KCNJ6: variants seen among roughly 807,000 people sequenced by gnomAD.
The protein encoded by KCNJ6 is potassium inwardly rectifying channel subfamily J member 6.
A neutral mutation model predicts 34.2 loss-of-function variants in KCNJ6; 9 were observed. The observed-to-expected ratio is 0.26, with a 90% CI of 0.16 to 0.46. KCNJ6 has a LOEUF of 0.46. Among genes scored for constraint, KCNJ6 ranks in the 20% least tolerant of loss-of-function variants. KCNJ6 has a pLI of 1.00. For synonymous variants in KCNJ6, 196 were observed against 207.1 expected (o/e 0.95, Z 0.46); for missense variants, 236 against 531.3 (o/e 0.44, Z 5.46).
At chr21:37,912,848 C>T (rs185411646) in intron 1 of KCNJ6, among the ~76,000 whole-genome samples, 4 of 152,324 alleles carry the variant, frequency 2.6e-5, no homozygotes, top group Admixed American at 2.6e-4. Flanking sequence ...AACAACATGT[C>T]ACACTTGGAA....
At chr21:37,643,567 G>A (rs564285542) in intron 3 of KCNJ6, among the ~76,000 whole-genome samples, 82 of 152,282 alleles carry the variant, frequency 5.4e-4, no homozygotes, top group South Asian at 1.5e-3. Flanking sequence ...CACGGGAGTC[G>A]GACCAATGTG....
chr21:37,827,626 G>C (rs1030321004), intron 2 of KCNJ6, among the ~76,000 whole-genome samples: 1 of 151,976 alleles, frequency 6.6e-6, no homozygotes, highest in African/African-American at 2.4e-5. Context: ...GTTGAGAATA[G>C]TAAGTAAAAC....
chr21:37,814,496 C>G (rs2055336734), intron 2 of KCNJ6, among the ~76,000 whole-genome samples: 1 of 152,210 alleles, frequency 6.6e-6, no homozygotes. Flanking sequence ...TTTATTACAG[C>G]ACTGTTCACA....
chr21:37,851,082 C>A, intron 1 of KCNJ6, among the ~76,000 whole-genome samples: 1 of 152,140 alleles, frequency 6.6e-6, no homozygotes, highest in Non-Finnish European at 1.5e-5. Flanking sequence ...CTGCCTAATA[C>A]TGTATAACCC....
At chr21:37,844,822 A>G (rs1052986283) in intron 1 of KCNJ6, among the ~76,000 whole-genome samples, 6 of 152,128 alleles carry the variant, frequency 3.9e-5, no homozygotes, top group Non-Finnish European at 8.8e-5. Context: ...TTTGTGCACA[A>G]ATGCATCCAT....
chr21:37,806,687 T>C (rs1305909460), intron 2 of KCNJ6, among the ~76,000 whole-genome samples: 1 of 152,220 alleles, frequency 6.6e-6, no homozygotes, highest in Non-Finnish European at 1.5e-5. Context: ...TCATTAACTA[T>C]ACAATCCTGA....
chr21:37,749,764 A>G (rs950186795), intron 2 of KCNJ6, among the ~76,000 whole-genome samples: 1 of 152,240 alleles, frequency 6.6e-6, no homozygotes, highest in African/African-American at 2.4e-5. Flanking sequence ...CGGTCTCAGG[A>G]AAGTCCTCTA....
intron 3 of KCNJ6, among the ~76,000 whole-genome samples, chr21:37,694,340 G>T (rs2054654440): frequency 1.3e-5 from 2 of 152,318 alleles, no homozygotes; most frequent in East Asian, 3.9e-4. Context: ...CTTTTAGCGA[G>T]GACAAGCTCA....
intron 3 of KCNJ6, among the ~76,000 whole-genome samples, chr21:37,643,026 T>G (rs2054388033): frequency 6.6e-6 from 1 of 152,088 alleles, no homozygotes; most frequent in Non-Finnish European, 1.5e-5. Flanking sequence ...CCTCCAAGTT[T>G]TGAGTATGAT....
At chr21:37,685,376 A>G (rs549795126) in intron 3 of KCNJ6, among the ~76,000 whole-genome samples, 4 of 150,148 alleles carry the variant, frequency 2.7e-5, no homozygotes, top group Admixed American at 6.7e-5. Context: ...TATCCCATCA[A>G]TCTCACTTCT....
chr21:37,761,636 GTGT>G (rs920352410), intron 2 of KCNJ6, among the ~76,000 whole-genome samples: 4 of 146,116 alleles, frequency 2.7e-5, no homozygotes, highest in South Asian at 2.2e-4. Context: ...GTTGTGTGTT[GTGT>G]TGTGTGTGTA....
intron 1 of KCNJ6, among the ~76,000 whole-genome samples, chr21:37,896,737 C>A (rs1385112476): frequency 4.6e-5 from 7 of 152,102 alleles, no homozygotes; most frequent in African/African-American, 1.7e-4. Flanking sequence ...CTGGCAGGAG[C>A]CAGTGTCTGT....
intron 2 of KCNJ6, among the ~76,000 whole-genome samples, chr21:37,818,634 C>T (rs2055359318): frequency 6.6e-6 from 1 of 152,180 alleles, no homozygotes; most frequent in South Asian, 2.1e-4. Context: ...TCCCCCAACC[C>T]AACTGCCTTT....
intron 1 of KCNJ6, among the ~76,000 whole-genome samples, chr21:37,880,589 G>T (rs1341726015): frequency 6.6e-6 from 1 of 152,214 alleles, no homozygotes; most frequent in African/African-American, 2.4e-5. Flanking sequence ...GAAGAAGGAA[G>T]TGCACAGTCA....
At chr21:37,795,747 A>C (rs553947201) in intron 2 of KCNJ6, among the ~76,000 whole-genome samples, 19 of 151,156 alleles carry the variant, frequency 1.3e-4, no homozygotes, top group South Asian at 4.2e-4. Flanking sequence ...AAAAAAAAAA[A>C]CAAAAAAAAA....
At chr21:37,842,742 C>T (rs574563423) in intron 1 of KCNJ6, among the ~76,000 whole-genome samples, 14 of 152,172 alleles carry the variant, frequency 9.2e-5, no homozygotes, top group Non-Finnish European at 1.5e-4. Context: ...ACCACAATGC[C>T]GGTTCATGTG....
intron 2 of KCNJ6, among the ~76,000 whole-genome samples, chr21:37,765,687 C>A (rs143003972): frequency 1.3e-5 from 2 of 152,292 alleles, no homozygotes; most frequent in Non-Finnish European, 2.9e-5. Context: ...AAAAAAACCC[C>A]TGAAGCCTTC....
intron 3 of KCNJ6, among the ~76,000 whole-genome samples, chr21:37,711,246 C>G (rs1413568396): frequency 6.6e-6 from 1 of 152,212 alleles, no homozygotes. Flanking sequence ...ACGGAAGGAC[C>G]CAGGTGGCCT....
chr21:37,799,265 G>A (rs1184940972), intron 2 of KCNJ6, among the ~76,000 whole-genome samples: 1 of 152,156 alleles, frequency 6.6e-6, no homozygotes, highest in African/African-American at 2.4e-5. Context: ...TTCTCAATAA[G>A]GATGTTTTCA....
Sources: gnomAD v4.1 joint callset for allele counts (sites outside exome capture counted in the v4.1 genomes callset) on GRCh38, gnomAD v4.1.1 for gene constraint, MANE v1.5 for transcripts, NCBI Gene and HGNC (gene_info 2026-07-23, HGNC 2026-07-21) for gene names.